Variants in DGKB observed in about 807,000 individuals in gnomAD.
DGKB encodes the protein diacylglycerol kinase beta.
Under a neutral mutation model 114.3 loss-of-function variants are expected in DGKB, and 67 were observed. The ratio of observed to expected loss-of-function variants is 0.59; its 90% CI spans 0.48 to 0.72. The LOEUF (loss-of-function observed/expected upper bound fraction) is 0.72. Ranked by LOEUF, DGKB falls within the 30% of genes least tolerant of loss-of-function variation. DGKB has a pLI of 0.00. For missense variants in DGKB, 907 were observed against 975.2 expected (o/e 0.93, Z 0.93); for synonymous variants, 398 against 323.1 (o/e 1.23, Z -2.49).
chr7:14,201,696 C>T (rs906999032), intron 23 of DGKB, among the ~76,000 whole-genome samples: 18 of 152,042 alleles, frequency 1.2e-4, no homozygotes, highest in African/African-American at 4.3e-4. Flanking sequence ...ATTGTGGACT[C>T]TGTGGGACAT....
chr7:14,550,172 GA>G (rs1221852096), intron 20 of DGKB, among the ~76,000 whole-genome samples: 3 of 151,900 alleles, frequency 2.0e-5, no homozygotes, highest in Non-Finnish European at 4.4e-5. Flanking sequence ...GATCTGTTTT[GA>G]AAAAATCCTA....
chr7:14,695,494 C>CTTTTTTTTTTTTTTTTTTTTTTTTTTT (rs1173622205), intron 8 of DGKB, among the ~76,000 whole-genome samples: 1 of 75,156 alleles, frequency 1.3e-5, no homozygotes, highest in African/African-American at 5.9e-5. Context: ...CTCTCTCTCT[C>CTTTTTTTTTTTTTTTTTTTTTTTTTTT]TTTTTTTTTT....
intron 5 of DGKB, among the ~76,000 whole-genome samples, chr7:14,732,995 C>G (rs1831144860): frequency 6.6e-6 from 1 of 152,126 alleles, no homozygotes; most frequent in Non-Finnish European, 1.5e-5. Flanking sequence ...AATATTGTAT[C>G]TTATAGAATT....
chr7:14,653,708 G>A lies in DGKB; in HGVS notation c.1134+19221C>T, dbSNP rs543039363. ...ATCAAGTAGGAGTTATCCCAGGGTTGCAAAGATGGTTCATATATGCAAATC... is the reference window on the plus strand; with the variant it reads ...ATCAAGTAGGAGTTATCCCAGGGTTACAAAGATGGTTCATATATGCAAATC... On this transcript the variant is annotated intron_variant, in intron 13 of 25. Transcript: ENST00000402815. Among the ~76,000 whole-genome samples, 10 of 151,764 alleles carry A rather than the reference G, an allele frequency of 6.6e-5. No homozygotes were observed. The South Asian group carries it at 2.1e-3, about 31-fold the overall frequency.
intron 1 of DGKB, among the ~76,000 whole-genome samples, chr7:14,859,416 G>A (rs905472668): frequency 8.6e-5 from 13 of 151,938 alleles, no homozygotes; most frequent in African/African-American, 3.1e-4. Flanking sequence ...AGTCAGAAAC[G>A]GACTATATAG....
intron 1 of DGKB, among the ~76,000 whole-genome samples, chr7:14,916,706 A>C (rs1294942859): frequency 6.6e-6 from 1 of 152,144 alleles, no homozygotes; most frequent in Non-Finnish European, 1.5e-5. Context: ...AAAGTTCAAC[A>C]CCTCTATAAC....
chr7:14,222,755 T>C (rs79013075), intron 23 of DGKB, among the ~76,000 whole-genome samples: 13,155 of 151,588 alleles, frequency 0.087, 833 homozygotes, highest in East Asian at 0.21. Flanking sequence ...AAGTGGGATA[T>C]AGAAGTCTCC....
chr7:14,681,109 GCA>G (rs1491197158), intron 12 of DGKB, among the ~76,000 whole-genome samples: 2 of 109,750 alleles, frequency 1.8e-5, no homozygotes, highest in Non-Finnish European at 3.9e-5. Context: ...TAAATGCTTA[GCA>G]AAAAAAAAAA....
chr7:14,559,882 ACTTTT>A (rs1003888907), intron 20 of DGKB, among the ~76,000 whole-genome samples: 1 of 150,474 alleles, frequency 6.6e-6, no homozygotes, highest in Non-Finnish European at 1.5e-5. Flanking sequence ...TCTTTTTTTT[ACTTTT>A]CTTTTCTCTT....
intron 23 of DGKB, among the ~76,000 whole-genome samples, chr7:14,301,241 AAAG>A (rs1177733585): frequency 6.6e-6 from 1 of 152,118 alleles, no homozygotes; most frequent in African/African-American, 2.4e-5. Context: ...CAATAACACC[AAAG>A]AAGAAAATCT....
intron 23 of DGKB, among the ~76,000 whole-genome samples, chr7:14,216,759 G>A (rs1047177213): frequency 4.1e-5 from 6 of 146,282 alleles, no homozygotes; most frequent in African/African-American, 1.3e-4. Context: ...GAACCATATA[G>A]CAAGTTCCCT....
chr7:14,876,797 A>G (rs1853360810), intron 1 of DGKB, among the ~76,000 whole-genome samples: 1 of 152,196 alleles, frequency 6.6e-6, no homozygotes, highest in South Asian at 2.1e-4. Context: ...AGTATGTTAA[A>G]AGTATATTGT....
intron 21 of DGKB, among the ~76,000 whole-genome samples, chr7:14,431,948 G>A (rs555725222): frequency 2.0e-5 from 3 of 151,470 alleles, no homozygotes; most frequent in Admixed American, 6.6e-5. Context: ...ATTTATAAAT[G>A]TACATTTTGC....
At chr7:14,164,671 G>A (rs1784381072) in intron 25 of DGKB, among the ~76,000 whole-genome samples, 1 of 152,090 alleles carries the variant, frequency 6.6e-6, no homozygotes, top group Non-Finnish European at 1.5e-5. Context: ...CAATAATGAT[G>A]TTGCTACATT....
chr7:14,739,271 T>C (rs75887801), intron 4 of DGKB, among the ~76,000 whole-genome samples: 4 of 152,112 alleles, frequency 2.6e-5, no homozygotes. Context: ...AACACGCCCA[T>C]GGTGAAAAAT....
At chr7:14,682,497 T>C in intron 12 of DGKB, 56 bp downstream of exon 12, 4 of 1,160,228 alleles carry the variant, frequency 3.4e-6, no homozygotes, top group Non-Finnish European at 5.2e-6. Context: ...GAGAGTATGA[T>C]ATACACGTCT....
intron 18 of DGKB, among the ~76,000 whole-genome samples, chr7:14,581,957 G>A (rs968543472): frequency 6.6e-6 from 1 of 152,076 alleles, no homozygotes; most frequent in Non-Finnish European, 1.5e-5. Context: ...AATTTTCACT[G>A]TTTCTTTTTA....
At chr7:14,500,080 T>G (rs1362243355) in intron 20 of DGKB, among the ~76,000 whole-genome samples, 3 of 151,938 alleles carry the variant, frequency 2.0e-5, no homozygotes, top group Non-Finnish European at 2.9e-5. Context: ...CCTTTTTCAA[T>G]ACTTTACATA....
chr7:14,518,819 A>G (rs117312201), intron 20 of DGKB, among the ~76,000 whole-genome samples: 248 of 152,156 alleles, frequency 1.6e-3, no homozygotes, highest in Middle Eastern at 6.8e-3. Context: ...TGGCTCTTCA[A>G]TTTTAGCACA....
Sources: gnomAD v4.1 joint callset for allele counts (sites outside exome capture counted in the v4.1 genomes callset) on GRCh38, gnomAD v4.1.1 for gene constraint, MANE v1.5 for transcripts, NCBI Gene and HGNC (gene_info 2026-07-23, HGNC 2026-07-21) for gene names.